Variants in CSMD1 observed in about 807,000 individuals in gnomAD.
CSMD1 encodes the protein CUB and Sushi multiple domains 1, also known as CUB and sushi domain-containing protein 1.
In CSMD1, 213 loss-of-function variants were observed where a neutral mutation model predicts 417.5. The observed-to-expected ratio is 0.51, with a 90% confidence interval of 0.46 to 0.57. CSMD1 has a LOEUF of 0.57. CSMD1 is among the 20% of genes least tolerant of loss of function. The probability of loss-of-function intolerance (pLI) is 0.00; values close to 1 mark genes in which losing one functional copy is unlikely to be tolerated. For missense variants in CSMD1, 6,923 were observed against 4,529.7 expected (o/e 1.53, Z -15.17); for synonymous variants, 2,862 against 1,736.8 (o/e 1.65, Z -16.11).
intron 4 of CSMD1, among the ~76,000 whole-genome samples, chr8:3,999,982 C>G (rs1168582372): frequency 6.6e-6 from 1 of 152,260 alleles, no homozygotes; most frequent in East Asian, 1.9e-4. Context: ...ATTATGCTAC[C>G]ACGGTAGTGT....
intron 5 of CSMD1, among the ~76,000 whole-genome samples, chr8:3,926,336 T>C (rs1809725604): frequency 6.6e-6 from 1 of 152,156 alleles, no homozygotes; most frequent in African/African-American, 2.4e-5. Flanking sequence ...ACACACTATT[T>C]ATTTTATCTT....
chr8:4,103,571 G>C (rs964401805), intron 3 of CSMD1, among the ~76,000 whole-genome samples: 7 of 151,854 alleles, frequency 4.6e-5, no homozygotes, highest in African/African-American at 1.2e-4. Flanking sequence ...TGATACGATG[G>C]ATACAAAAAA....
At chr8:4,453,451 C>T (rs1799272667) in intron 2 of CSMD1, among the ~76,000 whole-genome samples, 1 of 152,162 alleles carries the variant, frequency 6.6e-6, no homozygotes, top group Non-Finnish European at 1.5e-5. Flanking sequence ...GTTGGTGCAG[C>T]AGCAAGAACG....
intron 2 of CSMD1, among the ~76,000 whole-genome samples, chr8:4,532,758 T>C (rs1250513565): frequency 8.0e-6 from 1 of 124,886 alleles, no homozygotes; most frequent in Non-Finnish European, 1.6e-5. Flanking sequence ...GCACCCCCAT[T>C]CAGTCACTCC....
chr8:3,617,967 T>A (rs981446745), intron 7 of CSMD1, among the ~76,000 whole-genome samples: 1 of 152,128 alleles, frequency 6.6e-6, no homozygotes, highest in African/African-American at 2.4e-5. Flanking sequence ...TTGATTAAAA[T>A]TACCATAAAA....
At chr8:3,601,853 G>A (rs1395864582) in intron 8 of CSMD1, among the ~76,000 whole-genome samples, 1 of 152,134 alleles carries the variant, frequency 6.6e-6, no homozygotes, top group Non-Finnish European at 1.5e-5. Context: ...GTCTTCACCA[G>A]AAATGTGTTG....
At chr8:3,966,286 G>A (rs1812674350) in intron 5 of CSMD1, among the ~76,000 whole-genome samples, 2 of 152,116 alleles carry the variant, frequency 1.3e-5, no homozygotes, top group African/African-American at 4.8e-5. Flanking sequence ...ATGCAGAGGG[G>A]CTTGGACAGT....
chr8:4,773,731 C>A (rs548947458), intron 1 of CSMD1, among the ~76,000 whole-genome samples: 1 of 152,088 alleles, frequency 6.6e-6, no homozygotes, highest in Non-Finnish European at 1.5e-5. Context: ...ATGAACATTA[C>A]CCATTTCCCT....
At chr8:3,402,877 G>T (rs1371918486) in intron 15 of CSMD1, among the ~76,000 whole-genome samples, 1 of 150,898 alleles carries the variant, frequency 6.6e-6, no homozygotes, top group Non-Finnish European at 1.5e-5. Context: ...TTTATTTTTT[G>T]ATCATTTTGT....
intron 2 of CSMD1, among the ~76,000 whole-genome samples, chr8:4,570,848 G>A (rs1215964577): frequency 6.6e-6 from 1 of 152,046 alleles, no homozygotes; most frequent in African/African-American, 2.4e-5. Flanking sequence ...TCGGGATTCG[G>A]CTTCTTCCTG....
intron 2 of CSMD1, among the ~76,000 whole-genome samples, chr8:4,573,929 G>GA (rs1799011259): frequency 6.6e-6 from 1 of 152,144 alleles, no homozygotes; most frequent in African/African-American, 2.4e-5. Flanking sequence ...CTGTGAGGGG[G>GA]AAACCACCTA....
intron 7 of CSMD1, among the ~76,000 whole-genome samples, chr8:3,669,588 C>A (rs189382105): frequency 2.6e-5 from 4 of 152,168 alleles, no homozygotes; most frequent in Non-Finnish European, 4.4e-5. Context: ...GAGACTCTTC[C>A]GGACAGAAAA....
At chr8:3,916,636 G>A (rs1259488285) in intron 5 of CSMD1, among the ~76,000 whole-genome samples, 4 of 152,118 alleles carry the variant, frequency 2.6e-5, no homozygotes, top group Admixed American at 2.6e-4. Flanking sequence ...TTAACATATA[G>A]GTACCCTGAC....
chr8:4,551,953 C>T (rs1370816747), intron 2 of CSMD1, among the ~76,000 whole-genome samples: 1 of 151,562 alleles, frequency 6.6e-6, no homozygotes, highest in Admixed American at 6.6e-5. Flanking sequence ...TCCCAAAATG[C>T]TGGGACTACA....
intron 3 of CSMD1, among the ~76,000 whole-genome samples, chr8:4,084,441 T>G (rs117648397): frequency 6.6e-6 from 1 of 152,334 alleles, no homozygotes; most frequent in East Asian, 1.9e-4. Context: ...TTCCACCCTT[T>G]ACATGATTTT....
At chr8:4,918,954 T>C (rs192909179) in intron 1 of CSMD1, among the ~76,000 whole-genome samples, 1 of 152,310 alleles carries the variant, frequency 6.6e-6, no homozygotes, top group African/African-American at 2.4e-5. Flanking sequence ...GGTTTATATT[T>C]TTTTCCTTTG....
At chr8:3,891,821 T>C (rs1411579336) in intron 5 of CSMD1, among the ~76,000 whole-genome samples, 2 of 152,146 alleles carry the variant, frequency 1.3e-5, no homozygotes. Context: ...ACAAGCCTAA[T>C]TCTCTCATCT....
Position 3,411,674 on chromosome 8 carries a change from ATATATACGTG to A in CSMD1, c.1562-2079_1562-2070del, listed in dbSNP as rs1563360795. 3.0e-5 allele frequency among the ~76,000 whole-genome samples: 4 copies of A among 133,368 alleles called. No homozygotes were observed. The East Asian group carries it at 7.4e-4, about 25-fold the overall frequency. The allele number at this position is 133,368 out of a possible 152,430, so 87.5% of individuals were successfully genotyped here. ...GTCCATCATATATATATATACGTGT[ATATATACGTG>A]TATATATACACACGTATATATACAC... On this transcript the variant is annotated intron_variant, in intron 12 of 69. Coordinates refer to ENST00000635120, the MANE Select transcript of CSMD1 (RefSeq NM_033225.6).
chr8:3,391,221 C>T (rs1811326876), intron 17 of CSMD1, among the ~76,000 whole-genome samples: 1 of 152,160 alleles, frequency 6.6e-6, no homozygotes, highest in Non-Finnish European at 1.5e-5. Flanking sequence ...TAAATATACT[C>T]CTTTATCACA....
Sources: gnomAD v4.1 joint callset for allele counts (sites outside exome capture counted in the v4.1 genomes callset) on GRCh38, gnomAD v4.1.1 for gene constraint, MANE v1.5 for transcripts, NCBI Gene and HGNC (gene_info 2026-07-23, HGNC 2026-07-21) for gene names.